KCTD19: variants seen among roughly 807,000 people sequenced by gnomAD.
KCTD19 encodes the protein BTB/POZ domain-containing protein KCTD19.
A neutral mutation model predicts 103.5 loss-of-function variants in KCTD19; 67 were observed. That is an observed-to-expected ratio of 0.65 (90% CI 0.53 to 0.79). KCTD19 has a LOEUF of 0.79. Ranked by LOEUF, KCTD19 falls within the 30% of genes least tolerant of loss-of-function variation. KCTD19 has a pLI of 0.00. For synonymous variants in KCTD19, 439 were observed against 452.2 expected, an observed-to-expected ratio of 0.97 and a Z score of 0.37; for missense variants, 980 against 1,136.1, an observed-to-expected ratio of 0.86 and a Z score of 1.98.
intron 2 of KCTD19, among the ~76,000 whole-genome samples, chr16:67,308,962 A>C (rs2036922199): frequency 6.6e-6 from 1 of 151,920 alleles, no homozygotes; most frequent in Non-Finnish European, 1.5e-5. Context: ...GCAAAACCCC[A>C]ACTCTACTAA....
intron 1 of KCTD19, among the ~76,000 whole-genome samples, chr16:67,325,199 C>CTTTTTTTTTTTTTTTTTTTTTTTT (rs918808425): frequency 1.5e-5 from 2 of 132,334 alleles, no homozygotes; most frequent in South Asian, 2.3e-4. Flanking sequence ...TTCTTTTTTT[C>CTTTTTTTTTTTTTTTTTTTTTTTT]TTTTTTTCTT....
chr16:67,316,710 A>G (rs866527071), intron 2 of KCTD19, among the ~76,000 whole-genome samples: 1 of 152,248 alleles, frequency 6.6e-6, no homozygotes, highest in Non-Finnish European at 1.5e-5. Context: ...GACATTGTAT[A>G]GCTACAGGGT....
At chr16:67,295,973 G>A (rs977326489) in intron 8 of KCTD19, 186 bp downstream of exon 8, 34 of 563,540 alleles carry the variant, frequency 6.0e-5, no homozygotes, top group Admixed American at 2.3e-4. Context: ...TTGAACTCCT[G>A]ATCTCGTGAT....
intron 3 of KCTD19, 64 bp downstream of exon 3, chr16:67,304,357 T>G (rs1226453867): frequency 9.2e-6 from 14 of 1,529,138 alleles, no homozygotes; most frequent in Non-Finnish European, 1.3e-5. Context: ...AAGCCACTTC[T>G]GTTAGGGTGA....
chr16:67,296,751 C>G (rs1010247412), intron 7 of KCTD19, among the ~76,000 whole-genome samples: 7 of 152,136 alleles, frequency 4.6e-5, no homozygotes, highest in African/African-American at 1.2e-4. Flanking sequence ...AACCCATAAC[C>G]CTTTTCCTGG....
Position 67,301,082 on chromosome 16 carries a change from TC to T in KCTD19, c.775+708del. On this transcript the variant is annotated intron_variant, in intron 5 of 15. Transcript: ENST00000304372. Reference sequence around the variant, plus strand: ...CCATGTGCAATGCAGTTCTACACATTCTCGGGATGGTGGCTGAAGCCATGCT... The same window carrying T: ...CCATGTGCAATGCAGTTCTACACATTTCGGGATGGTGGCTGAAGCCATGCT... 3 of 152,384 alleles carry T rather than the reference TC, an allele frequency of 2.0e-5. No individual in the cohort carries two copies. In the South Asian group the frequency reaches 6.2e-4, roughly 32 times the overall value. 9.4% of individuals were successfully genotyped at this position (152,384 alleles called of 1,614,324 possible). A position where few individuals can be genotyped will look rare whatever the true frequency, so the allele number is the denominator to read the frequency against.
At chr16:67,304,344 T>C (rs2036868362) in intron 3 of KCTD19, 77 bp downstream of exon 3, 2 of 1,437,934 alleles carry the variant, frequency 1.4e-6, no homozygotes, top group African/African-American at 1.4e-5. Context: ...GCTCTCTGGA[T>C]GGAAGCCACT....
chr16:67,304,548 C>T lies in KCTD19; in HGVS notation c.324G>A (p.Gly108=). The part of the protein sequence containing the change: ...LLQTLDNLKE[G]KHHLRVRPAD... ...CAGGCCGTACGCGTAGATGGTGTTT[C>T]CCTTCCTTCAGGTTATCTAGAGTCT... The change falls in exon 3 of 16, where the codon GGG becomes GGA. Residue 108 remains glycine, a synonymous_variant. Coordinates refer to ENST00000304372, the MANE Select transcript of KCTD19 (RefSeq NM_001100915.3). 1 of 1,614,062 alleles carries T rather than the reference C, an allele frequency of 6.2e-7. No homozygotes were observed. The highest frequency in any genetic ancestry group is 8.5e-7 in the Non-Finnish European group (1 of 1,179,936).
At chr16:67,319,976 A>G (rs985701106) in intron 2 of KCTD19, among the ~76,000 whole-genome samples, 1 of 152,250 alleles carries the variant, frequency 6.6e-6, no homozygotes, top group Non-Finnish European at 1.5e-5. Context: ...AAAAACAAGA[A>G]GTAGCTTAAT....
intron 12 of KCTD19, among the ~76,000 whole-genome samples, chr16:67,292,485 A>C (rs556593871): frequency 1.3e-5 from 2 of 152,306 alleles, no homozygotes; most frequent in Non-Finnish European, 2.9e-5. Flanking sequence ...AATCTTTATA[A>C]AATTTTAAGT....
rs1478414546 is a variant in KCTD19 at position 67,299,539 on chromosome 16, G to A, written c.810C>T (p.Ser270=). 6.2e-7 allele frequency: 1 copy of A among 1,613,792 alleles called. No individual in the cohort carries two copies. The highest frequency in any genetic ancestry group is 2.2e-5 in the East Asian group (1 of 44,880). The change falls in exon 6 of 16, where the codon AGC becomes AGT. Residue 270 remains serine (S), a synonymous_variant. Coordinates refer to ENST00000304372, the MANE Select transcript of KCTD19 (RefSeq NM_001100915.3). ...TGGCTGTGCGGGCCCCCTTCCCGGG[G>A]CTCAGGGGAGAACAGGTGGTCGGGG... ...GCSPTTCSPL[S]PGKGARTASL...
intron 1 of KCTD19, among the ~76,000 whole-genome samples, chr16:67,322,745 G>C (rs2037089235): frequency 6.6e-6 from 1 of 152,186 alleles, no homozygotes; most frequent in African/African-American, 2.4e-5. Context: ...TTGTGCTTTA[G>C]AGGGCACCAT....
intron 2 of KCTD19, among the ~76,000 whole-genome samples, chr16:67,313,229 C>T (rs1297709054): frequency 6.6e-6 from 1 of 151,976 alleles, no homozygotes; most frequent in East Asian, 1.9e-4. Context: ...CTCATCTCAG[C>T]CTCCCCGAGT....
intron 15 of KCTD19, among the ~76,000 whole-genome samples, chr16:67,290,124 GAAAA>G (rs950709697): frequency 4.6e-4 from 55 of 120,114 alleles, no homozygotes; most frequent in African/African-American, 1.7e-3. Flanking sequence ...AAAGGAAAAA[GAAAA>G]AAACCCTTGA....
intron 5 of KCTD19, chr16:67,301,124 C>A: frequency 6.6e-6 from 1 of 152,544 alleles, no homozygotes. Context: ...AGCTTGCGCC[C>A]TATAACATGC....
rs71145965 is a variant in KCTD19, at chr16:67,314,830, T to TAGAGAG, written c.300+5753_300+5758dup. Among the ~76,000 whole-genome samples, 71 of 33,652 alleles carry TAGAGAG rather than the reference T, an allele frequency of 2.1e-3. 1 individual carries two copies. The highest frequency in any genetic ancestry group is 3.8e-3 in the African/African-American group (18 of 4,694). The allele number at this position is 33,652 out of a possible 152,430, so 22.1% of individuals were successfully genotyped here. On this transcript the variant is annotated intron_variant, in intron 2 of 15. Transcript: ENST00000304372. Reference sequence around the variant, plus strand: ...ATATATATATATATATATATATATATAGAGAGAGAGAGAGAGAGAGAGAGA... The same window carrying TAGAGAG: ...ATATATATATATATATATATATATATAGAGAGAGAGAGAGAGAGAGAGAGAGAGAGA...
At chr16:67,325,501 C>T (rs2037140943) in intron 1 of KCTD19, among the ~76,000 whole-genome samples, 2 of 152,040 alleles carry the variant, frequency 1.3e-5, no homozygotes, top group African/African-American at 4.8e-5. Context: ...TTCGGCCTCC[C>T]AAAGTGCTGG....
chr16:67,308,127 C>T (rs2036912390), intron 2 of KCTD19, among the ~76,000 whole-genome samples: 1 of 150,196 alleles, frequency 6.7e-6, no homozygotes. Flanking sequence ...TCCTTCCTTC[C>T]TCCCTCCCTC....
Position 67,318,376 on chromosome 16 carries a change from A to C in KCTD19, c.300+2213T>G, listed in dbSNP as rs1020876007. Among the ~76,000 whole-genome samples, 13 of 152,202 alleles carry C rather than the reference A, an allele frequency of 8.5e-5. 1 individual carries two copies. The East Asian group carries it at 1.4e-3, about 16-fold the overall frequency. On this transcript the variant is annotated intron_variant, in intron 2 of 15. Transcript: ENST00000304372. ...CAGGAGTTCAAGACTAGCCTGGCCA[A>C]CATGGTGAAACCCTGTCTCTACTAA... is the stretch of plus-strand genomic sequence containing the variant.
Sources: gnomAD v4.1 joint callset for allele counts (sites outside exome capture counted in the v4.1 genomes callset) on GRCh38, gnomAD v4.1.1 for gene constraint, MANE v1.5 for transcripts, NCBI Gene and HGNC (gene_info 2026-07-23, HGNC 2026-07-21) for gene names.